DERA: variants seen among roughly 807,000 people sequenced by gnomAD.
DERA encodes the protein 2-deoxy-D-ribose 5-phosphate aldolase.
Under a neutral mutation model 41.1 loss-of-function variants are expected in DERA, and 15 were observed. The ratio of observed to expected loss-of-function variants is 0.37; its 90% CI spans 0.24 to 0.56. DERA has a LOEUF of 0.56. Ranked by LOEUF, DERA falls within the 20% of genes least tolerant of loss-of-function variation. The pLI is 0.81. For missense variants in DERA, 396 were observed against 403.4 expected (o/e 0.98, Z 0.16); for synonymous variants, 139 against 137.4 (o/e 1.01, Z -0.08).
intron 5 of DERA, among the ~76,000 whole-genome samples, chr12:15,978,130 T>G (rs1311889882): frequency 6.6e-6 from 1 of 152,218 alleles, no homozygotes; most frequent in Non-Finnish European, 1.5e-5. Context: ...AATTTGAGAT[T>G]GACTGGGTTA....
chr12:15,944,371 C>T (rs1948430854), intron 1 of DERA, among the ~76,000 whole-genome samples: 1 of 152,270 alleles, frequency 6.6e-6, no homozygotes, highest in East Asian at 1.9e-4. Context: ...CCTATTTCTC[C>T]ACATCCTCTC....
At chr12:16,025,122 C>A (rs1248254490) in intron 6 of DERA, among the ~76,000 whole-genome samples, 1 of 151,626 alleles carries the variant, frequency 6.6e-6, no homozygotes, top group Non-Finnish European at 1.5e-5. Flanking sequence ...CTCAATTAAG[C>A]CAGGAAAGGC....
At chr12:15,974,495 T>C (rs563127496) in intron 5 of DERA, among the ~76,000 whole-genome samples, 1 of 152,172 alleles carries the variant, frequency 6.6e-6, no homozygotes, top group Non-Finnish European at 1.5e-5. Context: ...TTTTGGCAGG[T>C]ATACCACAGA....
At chr12:16,030,674 C>T (rs1387280196) in intron 6 of DERA, among the ~76,000 whole-genome samples, 3 of 152,204 alleles carry the variant, frequency 2.0e-5, no homozygotes, top group Non-Finnish European at 4.4e-5. Flanking sequence ...CCATCACTCT[C>T]TATCTCATTA....
rs1028409216 is a variant in DERA at position 15,924,719 on chromosome 12, C to T, written c.31+13305C>T. On this transcript the variant is annotated intron_variant, in intron 1 of 8. Transcript: ENST00000428559. The surrounding 1 kb of genome is among the most constrained non-coding windows in gnomAD (Gnocchi z 5.0). ...TGGTAGCCATTATTGTAATTCCAATCGATCCTATATTGTGAAAATACTTGG... is the reference window on the plus strand; with the variant it reads ...TGGTAGCCATTATTGTAATTCCAATTGATCCTATATTGTGAAAATACTTGG... 7.9e-5 allele frequency among the ~76,000 whole-genome samples: 12 copies of T among 152,144 alleles called. No homozygotes were observed. The highest frequency in any genetic ancestry group is 2.6e-4 in the Admixed American group (4 of 15,270).
rs1459254155 is a variant in DERA at position 15,965,622 on chromosome 12, G to A, written c.508+2675G>A. 2.6e-5 allele frequency among the ~76,000 whole-genome samples: 4 copies of A among 152,070 alleles called. No individual in the cohort carries two copies. Among genetic ancestry groups the A allele is most frequent in the Admixed American group, 6.5e-5 (1 of 15,272 alleles). ...ATGAATTCGAGGAGACTGGAGTTTG[G>A]GGGTGGGGGAGGTTTGATATTCCTC... On this transcript the variant is annotated intron_variant, in intron 5 of 8. Coordinates refer to ENST00000428559, the MANE Select transcript of DERA (RefSeq NM_015954.4). The surrounding 1 kb of genome is among the most constrained non-coding windows in gnomAD (Gnocchi z 4.1).
Position 15,938,489 on chromosome 12 carries a change from A to T in DERA, c.32-18447A>T, listed in dbSNP as rs542417725. Among the ~76,000 whole-genome samples the T allele has an allele frequency of 1.7e-4, 26 of 152,332 alleles. No homozygotes were observed. In the East Asian group the frequency reaches 4.8e-3, roughly 28 times the overall value. On this transcript the variant is annotated intron_variant, in intron 1 of 8. Transcript: ENST00000428559. This position sits in a 1 kb window ranked among gnomAD's most constrained non-coding sequence, Gnocchi z 4.1. Reference sequence around the variant, plus strand: ...GTTGAATTATTACTCTGCTTTAATAAGCTTCTTAGCTGTATCAATCTATGT... The same window carrying T: ...GTTGAATTATTACTCTGCTTTAATATGCTTCTTAGCTGTATCAATCTATGT...
intron 7 of DERA, among the ~76,000 whole-genome samples, chr12:16,034,331 A>C (rs188263280): frequency 2.0e-3 from 312 of 152,336 alleles, no homozygotes; most frequent in African/African-American, 7.3e-3. Flanking sequence ...GACAACAAGC[A>C]AAGAATGTCA....
Position 15,957,064 on chromosome 12 carries a change from G to A in DERA, c.129+31G>A. The A allele has an allele frequency of 1.3e-6, 2 of 1,549,514 alleles. No homozygotes were observed. Among genetic ancestry groups the A allele is most frequent in the Non-Finnish European group, 1.8e-6 (2 of 1,122,230 alleles). On this transcript the variant is annotated intron_variant, in intron 2 of 8. Coordinates refer to ENST00000428559, the MANE Select transcript of DERA (RefSeq NM_015954.4). This position sits in a 1 kb window ranked among gnomAD's most constrained non-coding sequence, Gnocchi z 4.8. ...GGTTCTTCTTGAGCATTCTGTGCCT[G>A]TATTTTACAATGCATGGTCTCTTCC...
rs1948213902 is a variant in DERA at position 15,918,107 on chromosome 12, A to G, written c.31+6693A>G. Among the ~76,000 whole-genome samples, 2 of 152,086 alleles carry G rather than the reference A, an allele frequency of 1.3e-5. No homozygotes were observed. Among genetic ancestry groups the G allele is most frequent in the Admixed American group, 1.3e-4 (2 of 15,266 alleles). ...CCTTTCCATATTTGAAACACTCCAC[A>G]TGCTTCCCCTGGCCCCAGCAGATGT... On this transcript the variant is annotated intron_variant, in intron 1 of 8. Coordinates refer to ENST00000428559, the MANE Select transcript of DERA (RefSeq NM_015954.4). The surrounding 1 kb of genome is among the most constrained non-coding windows in gnomAD (Gnocchi z 4.3).
chr12:15,968,558 GA>G (rs1195557322), intron 5 of DERA, among the ~76,000 whole-genome samples: 11 of 152,230 alleles, frequency 7.2e-5, no homozygotes, highest in Non-Finnish European at 1.2e-4. Flanking sequence ...ACAGTACTGG[GA>G]AAGCAGGAAT....
At chr12:15,977,476 G>T (rs1320476644) in intron 5 of DERA, among the ~76,000 whole-genome samples, 1 of 152,098 alleles carries the variant, frequency 6.6e-6, no homozygotes, top group Non-Finnish European at 1.5e-5. Flanking sequence ...TTTTGAGATG[G>T]AATTTTGCTC....
rs543394727 is a variant in DERA at position 15,938,841 on chromosome 12, A to G, written c.32-18095A>G. Among the ~76,000 whole-genome samples, 1 of 152,326 alleles carries G rather than the reference A, an allele frequency of 6.6e-6. No homozygotes were observed. The highest frequency in any genetic ancestry group is 2.1e-4 in the South Asian group (1 of 4,818). Reference sequence around the variant, plus strand: ...TCCTTTGGGATATTTTGCTAATTCAAATACTGTAAAATTAAAAGTCTTCTC... The same window carrying G: ...TCCTTTGGGATATTTTGCTAATTCAGATACTGTAAAATTAAAAGTCTTCTC... On this transcript the variant is annotated intron_variant, in intron 1 of 8. Transcript: ENST00000428559. This position sits in a 1 kb window ranked among gnomAD's most constrained non-coding sequence, Gnocchi z 4.1.
At chr12:16,032,776 A>G in intron 7 of DERA, 122 bp downstream of exon 7, 1 of 676,186 alleles carries the variant, frequency 1.5e-6, no homozygotes, top group South Asian at 1.8e-5. Context: ...TATTAAGATA[A>G]ATGTTTAATT....
intron 1 of DERA, among the ~76,000 whole-genome samples, chr12:15,953,048 A>T (rs1948510311): frequency 1.3e-5 from 2 of 152,140 alleles, no homozygotes; most frequent in Admixed American, 1.3e-4. Context: ...TACCCACTAG[A>T]TACAAGTGGC....
chr12:15,926,872 G>T (rs1377847666), intron 1 of DERA, among the ~76,000 whole-genome samples: 1 of 152,194 alleles, frequency 6.6e-6, no homozygotes. Flanking sequence ...ATGCCTTAGG[G>T]CACCCGTTAT....
chr12:15,929,280 C>T (rs780477905), intron 1 of DERA, among the ~76,000 whole-genome samples: 48 of 152,152 alleles, frequency 3.2e-4, no homozygotes, highest in Non-Finnish European at 6.2e-4. Context: ...GAAAACCAGC[C>T]GCCTTGTCAA....
At chr12:15,923,074 G>A (rs1948256584) in intron 1 of DERA, among the ~76,000 whole-genome samples, 1 of 140,628 alleles carries the variant, frequency 7.1e-6, no homozygotes, top group Admixed American at 7.4e-5. Context: ...CCAGGCTGGA[G>A]TGCAGTGGCG....
rs963475454 is a variant in DERA at position 16,017,680 on chromosome 12, G to A, written c.638-14862G>A. On this transcript the variant is annotated intron_variant, in intron 6 of 8. Coordinates refer to ENST00000428559, the MANE Select transcript of DERA (RefSeq NM_015954.4). The surrounding 1 kb of genome is among the most constrained non-coding windows in gnomAD (Gnocchi z 5.5). Reference sequence around the variant, plus strand: ...AATATTGAAGACTTTTAATTTGAGGGCTTATATCTTTGCATACCCTGCTTA... The same window carrying A: ...AATATTGAAGACTTTTAATTTGAGGACTTATATCTTTGCATACCCTGCTTA... Among the ~76,000 whole-genome samples the A allele has an allele frequency of 1.3e-5, 2 of 152,138 alleles. No homozygotes were observed. Among genetic ancestry groups the A allele is most frequent in the East Asian group, 3.8e-4 (2 of 5,200 alleles).
Sources: allele counts gnomAD v4.1 joint callset (sites outside exome capture counted in the v4.1 genomes callset), GRCh38; gene constraint gnomAD v4.1.1; non-coding constraint Gnocchi (gnomAD v3.1); transcripts MANE v1.5; gene names NCBI Gene and HGNC (gene_info 2026-07-23, HGNC 2026-07-21).